The following GALNTL6 variants were observed in gnomAD, a reference collection of about 807,000 sequenced individuals.
GALNTL6 encodes the protein polypeptide N-acetylgalactosaminyltransferase-like 6.
GALNTL6 carries 46 observed loss-of-function variants against 73.7 expected under a neutral mutation model. That is an observed-to-expected ratio of 0.62 (90% CI 0.49 to 0.80). GALNTL6 has a LOEUF of 0.80. Ranked by LOEUF, GALNTL6 falls within the 30% of genes least tolerant of loss-of-function variation. GALNTL6 has a pLI of 0.00. For synonymous variants in GALNTL6, 259 were observed against 263.7 expected (o/e 0.98, Z 0.17); for missense variants, 604 against 755.0 (o/e 0.80, Z 2.34).
intron 2 of GALNTL6, among the ~76,000 whole-genome samples, chr4:171,867,989 C>CT (rs35316583): frequency 0.66 from 89,583 of 136,690 alleles, 30,134 homozygotes; most frequent in South Asian, 0.8. Flanking sequence ...TTTTGAGGTG[C>CT]TTTTTTTTTT....
chr4:172,403,919 C>T (rs943634729), intron 5 of GALNTL6, among the ~76,000 whole-genome samples: 4 of 151,924 alleles, frequency 2.6e-5, no homozygotes, highest in South Asian at 2.1e-4. Flanking sequence ...ATTAAAGAAG[C>T]GTACATTGTT....
At chr4:172,030,512 A>G (rs992712361) in intron 2 of GALNTL6, among the ~76,000 whole-genome samples, 1 of 151,868 alleles carries the variant, frequency 6.6e-6, no homozygotes, top group Non-Finnish European at 1.5e-5. Flanking sequence ...GGAGTTTGAG[A>G]CCAGACTGAC....
chr4:171,985,985 C>T (rs1385275326), intron 2 of GALNTL6, among the ~76,000 whole-genome samples: 1 of 132,184 alleles, frequency 7.6e-6, no homozygotes, highest in Non-Finnish European at 1.5e-5. Context: ...TTGCAGTGAG[C>T]CGAGAATGCA....
At chr4:172,326,098 C>T (rs1490805289) in intron 4 of GALNTL6, among the ~76,000 whole-genome samples, 1 of 151,792 alleles carries the variant, frequency 6.6e-6, no homozygotes, top group Non-Finnish European at 1.5e-5. Context: ...TTTAATAATT[C>T]ATGCACTGAA....
chr4:172,343,332 G>C (rs1011856380), intron 4 of GALNTL6, among the ~76,000 whole-genome samples: 1 of 152,174 alleles, frequency 6.6e-6, no homozygotes, highest in African/African-American at 2.4e-5. Context: ...TAATGTTTAA[G>C]TGATGGTGAA....
At chr4:172,376,318 G>T (rs769238857) in intron 5 of GALNTL6, among the ~76,000 whole-genome samples, 3 of 152,158 alleles carry the variant, frequency 2.0e-5, no homozygotes, top group African/African-American at 7.2e-5. Flanking sequence ...AAGGGTCAGG[G>T]TAGATAGAAT....
intron 5 of GALNTL6, among the ~76,000 whole-genome samples, chr4:172,456,072 C>G (rs918468283): frequency 2.6e-5 from 4 of 152,112 alleles, no homozygotes; most frequent in Admixed American, 2.0e-4. Context: ...CTGGAGTGGA[C>G]CTTCAGCAAA....
chr4:172,200,314 G>A lies in GALNTL6; in HGVS notation c.139-29342G>A, dbSNP rs182375693. On this transcript the variant is annotated intron_variant, in intron 2 of 12. Transcript: ENST00000506823. The stretch of plus-strand genomic sequence containing the variant: ...TTTAATTATGTTTAATTTAAAGTTG[G>A]AGTTTTAGGACTGCTGCTCATGGCT... 4.0e-4 allele frequency among the ~76,000 whole-genome samples: 61 copies of A among 152,234 alleles called. No individual in the cohort carries two copies. In the East Asian group the frequency reaches 5.6e-3, roughly 14 times the overall value.
chr4:172,396,530 GAT>G (rs1743855458), intron 5 of GALNTL6, among the ~76,000 whole-genome samples: 1 of 152,078 alleles, frequency 6.6e-6, no homozygotes, highest in Non-Finnish European at 1.5e-5. Context: ...GAAAATAAGA[GAT>G]GTTTTCCATT....
At chr4:172,467,820 TTC>T (rs1732881112) in intron 5 of GALNTL6, among the ~76,000 whole-genome samples, 1 of 142,388 alleles carries the variant, frequency 7.0e-6, no homozygotes, top group Non-Finnish European at 1.5e-5. Flanking sequence ...CTTTCTTTCT[TTC>T]TTTCTTTCTT....
chr4:172,893,355 G>GGGC (rs1746149165), intron 8 of GALNTL6, among the ~76,000 whole-genome samples: 4 of 151,000 alleles, frequency 2.6e-5, no homozygotes, highest in Admixed American at 6.6e-5. Context: ...CGGGGGGGGG[G>GGGC]TCTTCCCCTT....
chr4:172,064,794 T>A (rs1242826502), intron 2 of GALNTL6, among the ~76,000 whole-genome samples: 1 of 152,176 alleles, frequency 6.6e-6, no homozygotes, highest in African/African-American at 2.4e-5. Context: ...CAAAAGTTTG[T>A]GCCTTTTCTT....
intron 5 of GALNTL6, among the ~76,000 whole-genome samples, chr4:172,385,003 G>A (rs916634905): frequency 2.8e-5 from 4 of 141,950 alleles, no homozygotes; most frequent in Admixed American, 1.4e-4. Flanking sequence ...GTTTTGTTTC[G>A]TTTTTGTTGT....
At chr4:172,999,931 T>C (rs944818235) in intron 10 of GALNTL6, among the ~76,000 whole-genome samples, 1 of 152,058 alleles carries the variant, frequency 6.6e-6, no homozygotes, top group African/African-American at 2.4e-5. Flanking sequence ...AAGTTTTTGT[T>C]CTCAAAAACA....
chr4:171,994,179 G>A (rs1322487517), intron 2 of GALNTL6, among the ~76,000 whole-genome samples: 1 of 152,054 alleles, frequency 6.6e-6, no homozygotes, highest in Non-Finnish European at 1.5e-5. Flanking sequence ...CTAGGATATG[G>A]AATGATAACA....
At chr4:172,299,008 T>C (rs1387910761) in intron 3 of GALNTL6, among the ~76,000 whole-genome samples, 1 of 152,194 alleles carries the variant, frequency 6.6e-6, no homozygotes, top group Non-Finnish European at 1.5e-5. Flanking sequence ...GGACTTTTTT[T>C]GGTTGGTAAG....
chr4:172,533,231 T>G (rs1171961937), intron 5 of GALNTL6, among the ~76,000 whole-genome samples: 1 of 151,348 alleles, frequency 6.6e-6, no homozygotes, highest in African/African-American at 2.4e-5. Flanking sequence ...CAGGCTGGTC[T>G]TGAACTCCTG....
At chr4:172,905,248 C>T (rs1443627181) in intron 8 of GALNTL6, among the ~76,000 whole-genome samples, 2 of 152,220 alleles carry the variant, frequency 1.3e-5, no homozygotes, top group East Asian at 3.9e-4. Context: ...GCTCTCAAAA[C>T]CATTAACCTA....
chr4:172,936,842 C>T (rs1018459854), intron 9 of GALNTL6, among the ~76,000 whole-genome samples: 1 of 152,064 alleles, frequency 6.6e-6, no homozygotes, highest in South Asian at 2.1e-4. Flanking sequence ...ATTGTACAGG[C>T]TGCTTCCCAG....
Sources: allele counts gnomAD v4.1 joint callset (sites outside exome capture counted in the v4.1 genomes callset), GRCh38; gene constraint gnomAD v4.1.1; transcripts MANE v1.5; gene names NCBI Gene and HGNC (gene_info 2026-07-23, HGNC 2026-07-21).